Variants in TRPM3 observed in about 807,000 individuals in gnomAD.
The protein encoded by TRPM3 is long transient receptor potential channel 3.
Under a neutral mutation model 181.2 loss-of-function variants are expected in TRPM3, and 77 were observed. The observed-to-expected ratio is 0.42, with a 90% CI of 0.35 to 0.51. The LOEUF is 0.51. Among genes scored for constraint, TRPM3 ranks in the 20% least tolerant of loss-of-function variants. The pLI is 0.01. For synonymous variants in TRPM3, 745 were observed against 796.4 expected, an observed-to-expected ratio of 0.94 and a Z score of 1.09; for missense variants, 1,759 against 2,196.7, an observed-to-expected ratio of 0.80 and a Z score of 3.98.
intron 8 of TRPM3, among the ~76,000 whole-genome samples, chr9:70,683,899 C>T (rs530147657): frequency 6.6e-6 from 1 of 152,268 alleles, no homozygotes; most frequent in Non-Finnish European, 1.5e-5. Flanking sequence ...GAAATTTTGG[C>T]TGGCCCTTTA....
At chr9:71,429,835 C>G (rs908307657) in intron 1 of TRPM3, among the ~76,000 whole-genome samples, 1 of 152,160 alleles carries the variant, frequency 6.6e-6, no homozygotes, top group Non-Finnish European at 1.5e-5. Context: ...CTGCTCTAGC[C>G]TCTTTGGCTG....
intron 14 of TRPM3, among the ~76,000 whole-genome samples, chr9:70,624,928 A>C (rs1201993383): frequency 6.6e-6 from 1 of 152,236 alleles, no homozygotes; most frequent in Admixed American, 6.5e-5. Context: ...AAACACCAAT[A>C]GGTAGAATTC....
In TRPM3 at chr9:70,570,614, T is replaced by C. The variant is rs553495168; in HGVS notation, c.3224-17304A>G. Among the ~76,000 whole-genome samples, 9 of 152,302 alleles carry C rather than the reference T, an allele frequency of 5.9e-5. No homozygotes were observed. The South Asian group carries it at 1.7e-3, about 28-fold the overall frequency. ...AGGCATAAGCCACGGCGTCCGGCCTTAGATATTTTAAAAGTAAATCTGCTG... is the reference window on the plus strand; with the variant it reads ...AGGCATAAGCCACGGCGTCCGGCCTCAGATATTTTAAAAGTAAATCTGCTG... On this transcript the variant is annotated intron_variant, in intron 22 of 25. Transcript: ENST00000677713.
At chr9:71,049,767 A>T (rs1239813548) in intron 1 of TRPM3, among the ~76,000 whole-genome samples, 1 of 152,024 alleles carries the variant, frequency 6.6e-6, no homozygotes, top group Non-Finnish European at 1.5e-5. Flanking sequence ...GTAATGGAGG[A>T]TGGGCTCCAG....
chr9:70,666,969 T>C (rs1359011345), intron 9 of TRPM3, among the ~76,000 whole-genome samples: 2 of 152,220 alleles, frequency 1.3e-5, no homozygotes, highest in Admixed American at 1.3e-4. Context: ...TTAAAACAAT[T>C]GAGTGTTTTA....
At chr9:70,664,413 A>G (rs960461204) in intron 9 of TRPM3, among the ~76,000 whole-genome samples, 1 of 152,152 alleles carries the variant, frequency 6.6e-6, no homozygotes, top group Non-Finnish European at 1.5e-5. Flanking sequence ...CACTTCCCTA[A>G]GTGAGTTTAA....
At chr9:71,110,978 T>TAA (rs962338407) in intron 1 of TRPM3, among the ~76,000 whole-genome samples, 15 of 152,168 alleles carry the variant, frequency 9.9e-5, no homozygotes, top group Admixed American at 3.3e-4. Context: ...CTTAAGCAGT[T>TAA]CTAAGTAGAA....
chr9:70,809,894 C>A, intron 6 of TRPM3: 1 of 516,672 alleles, frequency 1.9e-6, no homozygotes, highest in South Asian at 1.4e-5. Flanking sequence ...TCTTATGGGA[C>A]AGTTATGGGC....
intron 22 of TRPM3, among the ~76,000 whole-genome samples, chr9:70,582,526 C>G (rs1329258744): frequency 6.6e-6 from 1 of 152,206 alleles, no homozygotes; most frequent in Non-Finnish European, 1.5e-5. Context: ...CCTGCTCTCA[C>G]AGAGCTGGCA....
intron 1 of TRPM3, among the ~76,000 whole-genome samples, chr9:71,278,249 G>A (rs1017418202): frequency 6.6e-6 from 1 of 152,204 alleles, no homozygotes; most frequent in African/African-American, 2.4e-5. Context: ...GATTAGAAGA[G>A]GAGAAATCAA....
intron 1 of TRPM3, among the ~76,000 whole-genome samples, chr9:70,986,191 A>C (rs1159936406): frequency 1.3e-5 from 2 of 151,858 alleles, no homozygotes; most frequent in South Asian, 2.1e-4. Flanking sequence ...CATCTTTACC[A>C]AAAAAAATTA....
intron 1 of TRPM3, among the ~76,000 whole-genome samples, chr9:71,110,480 G>A (rs569666416): frequency 1.3e-5 from 2 of 152,074 alleles, no homozygotes; most frequent in Admixed American, 6.6e-5. Context: ...TTCATGCTTC[G>A]ATGTAATATG....
intron 1 of TRPM3, among the ~76,000 whole-genome samples, chr9:71,405,093 C>T (rs1565539861): frequency 6.6e-6 from 1 of 152,198 alleles, no homozygotes. Flanking sequence ...TCTCATTTTA[C>T]TTCACATTCC....
At chr9:70,838,849 GA>G (rs1289269133) in intron 5 of TRPM3, among the ~76,000 whole-genome samples, 5 of 151,860 alleles carry the variant, frequency 3.3e-5, no homozygotes, top group African/African-American at 1.2e-4. Context: ...TATTAATTGA[GA>G]AAAAAAGGGC....
At chr9:70,907,078 A>G (rs1023373127) in intron 1 of TRPM3, among the ~76,000 whole-genome samples, 5 of 152,210 alleles carry the variant, frequency 3.3e-5, no homozygotes, top group African/African-American at 1.2e-4. Flanking sequence ...CAGTTTATTG[A>G]AAACAGTATA....
At chr9:71,162,765 T>C (rs2076342535) in intron 1 of TRPM3, among the ~76,000 whole-genome samples, 1 of 152,196 alleles carries the variant, frequency 6.6e-6, no homozygotes, top group Non-Finnish European at 1.5e-5. Flanking sequence ...ATAAAGTGAA[T>C]AGAATTTGGA....
At chr9:71,229,232 A>C (rs2080889852) in intron 1 of TRPM3, among the ~76,000 whole-genome samples, 1 of 152,228 alleles carries the variant, frequency 6.6e-6, no homozygotes, top group East Asian at 1.9e-4. Context: ...CATTCTTTTT[A>C]ATCAATAGTG....
chr9:71,003,208 A>AC (rs72276564), intron 1 of TRPM3, among the ~76,000 whole-genome samples: 1 of 92,018 alleles, frequency 1.1e-5, no homozygotes, highest in Non-Finnish European at 2.8e-5. Context: ...AAAAAAAAAA[A>AC]AAACACTTAA....
chr9:71,234,590 G>A (rs567331083), intron 1 of TRPM3, among the ~76,000 whole-genome samples: 20 of 152,102 alleles, frequency 1.3e-4, no homozygotes, highest in African/African-American at 3.4e-4. Context: ...GTCTTCTCTC[G>A]GCGTCTTCAC....
Sources: gnomAD v4.1 joint callset for allele counts (sites outside exome capture counted in the v4.1 genomes callset) on GRCh38, gnomAD v4.1.1 for gene constraint, MANE v1.5 for transcripts, NCBI Gene and HGNC (gene_info 2026-07-23, HGNC 2026-07-21) for gene names.